PMVK: variants seen among roughly 807,000 people sequenced by gnomAD.
PMVK encodes the protein phosphomevalonate kinase.
Under a neutral mutation model 19.0 loss-of-function variants are expected in PMVK, and 10 were observed. The ratio of observed to expected loss-of-function variants is 0.53; its 90% confidence interval spans 0.32 to 0.89. PMVK has a LOEUF of 0.89. Among genes scored for constraint, PMVK ranks in the 40% least tolerant of loss-of-function variants. PMVK has a pLI of 0.03. For missense variants in PMVK, 222 were observed against 251.1 expected (o/e 0.88, Z 0.78); for synonymous variants, 108 against 101.6 (o/e 1.06, Z -0.38).
At chr1:154,925,477 C>A (rs1654122919) in intron 4 of PMVK, among the ~76,000 whole-genome samples, 1 of 152,194 alleles carries the variant, frequency 6.6e-6, no homozygotes, top group Non-Finnish European at 1.5e-5. Flanking sequence ...TCAGCTGATC[C>A]CTCCTGACTT....
At position 154,925,052 on chromosome 1, in the gene PMVK, C is replaced by T; in HGVS notation, c.*77G>A. The T allele has an allele frequency of 1.5e-6, 2 of 1,334,618 alleles. No homozygotes were observed. The highest frequency in any genetic ancestry group is 1.2e-5 in the South Asian group (1 of 81,182). 82.7% of individuals were successfully genotyped at this position (1,334,618 alleles called of 1,614,324 possible). A position where few individuals can be genotyped will look rare whatever the true frequency, so the allele number is the denominator to read the frequency against. On this transcript the variant is annotated 3_prime_UTR_variant, in exon 5 of 5. Coordinates refer to ENST00000368467, the MANE Select transcript of PMVK (RefSeq NM_006556.4). ...GTCTGTTCCTCACCTCGGCCAGGAT[C>T]GGGGGACACCCCCATTTTGCAGAGT...
intron 3 of PMVK, among the ~76,000 whole-genome samples, chr1:154,928,693 ACC>A (rs999609509): frequency 1.3e-5 from 2 of 151,812 alleles, no homozygotes; most frequent in Admixed American, 1.3e-4. Flanking sequence ...AATCACTTAA[ACC>A]CAGGAGGCAG....
chr1:154,933,999 G>GA (rs1249754489), intron 1 of PMVK, among the ~76,000 whole-genome samples: 1 of 151,960 alleles, frequency 6.6e-6, no homozygotes, highest in Non-Finnish European at 1.5e-5. Flanking sequence ...TAACGCACAG[G>GA]AAGATAAGTG....
chr1:154,941,099 AC>A (rs1342564299), upstream of PMVK, among the ~76,000 whole-genome samples: 1 of 152,114 alleles, frequency 6.6e-6, no homozygotes, highest in African/African-American at 2.4e-5. Context: ...AGCGGTGGAG[AC>A]CGCCACTCTG....
intron 1 of PMVK, 58 bp from the exon 2 acceptor site, chr1:154,932,473 C>T: frequency 3.2e-6 from 4 of 1,265,082 alleles, no homozygotes; most frequent in Non-Finnish European, 1.1e-6. Flanking sequence ...GCTTCCATGT[C>T]CCAGAAAGGG....
At chr1:154,940,779 T>C (rs533761302), upstream of PMVK, among the ~76,000 whole-genome samples, 40 of 152,158 alleles carry the variant, frequency 2.6e-4, no homozygotes, top group Non-Finnish European at 3.8e-4. Flanking sequence ...TCTAGCACAG[T>C]ATTGAGACCT....
At chr1:154,939,109 T>C (rs1269496144), upstream of PMVK, among the ~76,000 whole-genome samples, 2 of 152,196 alleles carry the variant, frequency 1.3e-5, no homozygotes, top group Admixed American at 6.5e-5. Flanking sequence ...ATCACGGTCA[T>C]GGCCAGCCCA....
At chr1:154,940,638 C>T (rs114163289), upstream of PMVK, among the ~76,000 whole-genome samples, 19 of 152,314 alleles carry the variant, frequency 1.2e-4, no homozygotes, top group African/African-American at 4.6e-4. Flanking sequence ...AACTCAAAGG[C>T]CACCCCTTTC....
chr1:154,936,469 C>T, intron 1 of PMVK, 122 bp downstream of exon 1: 1 of 1,490,538 alleles, frequency 6.7e-7, no homozygotes. Context: ...CAGCCCAGTG[C>T]TCCTCCTGCC....
At chr1:154,931,512 C>T (rs976140783) in intron 2 of PMVK, among the ~76,000 whole-genome samples, 1 of 152,180 alleles carries the variant, frequency 6.6e-6, no homozygotes, top group African/African-American at 2.4e-5. Context: ...GAAAATCTCT[C>T]TCTCACCCTG....
chr1:154,929,051 A>G lies in PMVK; in HGVS notation c.285T>C (p.Ile95=), dbSNP rs1654256667. 6.2e-7 allele frequency: 1 copy of G among 1,614,154 alleles called. No individual in the cohort carries two copies. The part of the protein sequence containing the change: ...QADPGFFCRK[I]VEGISQPIWL... ...AGATGGGCTGGGAGATGCCCTCCAC[A>G]ATCTTCCTGCAAAAGAAGCCTGGGT... The change falls in exon 3 of 5, where the codon ATT becomes ATC. Residue 95 remains isoleucine, a synonymous_variant. Coordinates refer to ENST00000368467, the MANE Select transcript of PMVK (RefSeq NM_006556.4).
In PMVK at chr1:154,925,153, T is replaced by C. The variant is rs1179165200; in HGVS notation, c.555A>G (p.Ile185Met). 6.2e-7 allele frequency: 1 copy of C among 1,604,152 alleles called. No individual in the cohort carries two copies. Residue 185 changes from isoleucine to methionine, a missense_variant, in exon 5 of 5, where the codon ATA becomes ATG. Physicochemically the swap from Ile to Met is conservative, Grantham distance 10. Coordinates refer to ENST00000368467, the MANE Select transcript of PMVK (RefSeq NM_006556.4). The stretch of plus-strand genomic sequence containing the variant: ...ACTAAAGTCTGGAGCGGATAAATTC[T>C]ATCAGGTTCTCCAACTGCTCCTCCA... ...QRLEEQLENL[I>M]EFIRSRL is the part of the protein sequence containing the mutation.
chr1:154,942,061 G>A, the PMVK span, among the ~76,000 whole-genome samples: 2 of 152,204 alleles, frequency 1.3e-5, no homozygotes, highest in Admixed American at 6.5e-5. Flanking sequence ...GAGAGTAGAA[G>A]GCCCAAGAAG....
At position 154,932,418 on chromosome 1, in the gene PMVK, G is replaced by A. The variant is rs1410274554; in HGVS notation, c.96-3C>T. On this transcript the variant is annotated splice_region_variant and splice_polypyrimidine_tract_variant and intron_variant, in intron 1 of 4. Transcript: ENST00000368467. ...CAGCACAGACATCAGCTCCAAGTCTGCAGGACAGGGAGATCAGAATCCAGT... is the reference window on the plus strand; with the variant it reads ...CAGCACAGACATCAGCTCCAAGTCTACAGGACAGGGAGATCAGAATCCAGT... 1.2e-6 allele frequency: 2 copies of A among 1,603,228 alleles called. No homozygotes were observed. Among genetic ancestry groups the A allele is most frequent in the South Asian group, 2.2e-5 (2 of 89,876 alleles).
At chr1:154,931,896 C>T (rs531869058) in intron 2 of PMVK, among the ~76,000 whole-genome samples, 2 of 151,908 alleles carry the variant, frequency 1.3e-5, no homozygotes, top group Non-Finnish European at 2.9e-5. Flanking sequence ...ACCATGTTGG[C>T]CAGGCTGGTC....
At chr1:154,933,479 A>G (rs907816965) in intron 1 of PMVK, among the ~76,000 whole-genome samples, 2 of 149,434 alleles carry the variant, frequency 1.3e-5, no homozygotes, top group African/African-American at 2.5e-5. Context: ...TATTTAATTT[A>G]CTTAACCAAC....
chr1:154,939,201 T>C (rs1654590441), upstream of PMVK, among the ~76,000 whole-genome samples: 1 of 152,184 alleles, frequency 6.6e-6, no homozygotes, highest in South Asian at 2.1e-4. Flanking sequence ...CCAGCTCCTA[T>C]GGACACACCC....
At chr1:154,929,002 T>C (rs1440517895) in intron 3 of PMVK, 22 bp downstream of exon 3, 1 of 1,609,560 alleles carries the variant, frequency 6.2e-7, no homozygotes, top group Non-Finnish European at 8.5e-7. Context: ...GTGTTCTTCA[T>C]GCTGCCATGG....
intron 2 of PMVK, among the ~76,000 whole-genome samples, chr1:154,929,588 T>C (rs1654274905): frequency 6.6e-6 from 1 of 152,062 alleles, no homozygotes; most frequent in Non-Finnish European, 1.5e-5. Flanking sequence ...CCCACTAGCA[T>C]TGTTTGCCCC....
Sources: gnomAD v4.1 joint callset for allele counts (sites outside exome capture counted in the v4.1 genomes callset) on GRCh38, gnomAD v4.1.1 for gene constraint, MANE v1.5 for transcripts, NCBI Gene and HGNC (gene_info 2026-07-23, HGNC 2026-07-21) for gene names.